The following DENND1B variants were observed in gnomAD, a reference collection of about 807,000 sequenced individuals.
DENND1B encodes the protein DENN domain-containing protein 1B.
DENND1B carries 59 observed loss-of-function variants against 90.1 expected under a neutral mutation model. The ratio of observed to expected loss-of-function variants is 0.65; its 90% CI spans 0.53 to 0.81. DENND1B has a LOEUF of 0.81. Ranked by LOEUF, DENND1B falls within the 40% of genes least tolerant of loss-of-function variation. The pLI is 0.00. For synonymous variants in DENND1B, 337 were observed against 324.6 expected (o/e 1.04, Z -0.41); for missense variants, 862 against 912.6 (o/e 0.94, Z 0.71).
chr1:197,526,213 T>C (rs1669122049), intron 20 of DENND1B, among the ~76,000 whole-genome samples: 1 of 152,088 alleles, frequency 6.6e-6, no homozygotes, highest in Admixed American at 6.5e-5. Flanking sequence ...GCAGCAGCAG[T>C]AGCCCTACAA....
intron 3 of DENND1B, 128 bp downstream of exon 3, chr1:197,714,903 T>C (rs527785297): frequency 5.6e-6 from 4 of 720,062 alleles, no homozygotes; most frequent in Admixed American, 5.0e-5. Context: ...TGTCTCACAG[T>C]TGATCAAGAG....
intron 2 of DENND1B, among the ~76,000 whole-genome samples, chr1:197,718,117 GCTTT>G (rs923301178): frequency 3.9e-5 from 6 of 152,002 alleles, no homozygotes; most frequent in Non-Finnish European, 8.8e-5. Context: ...TGAGGTTACA[GCTTT>G]CTTTATTGAG....
At chr1:197,529,137 AT>A (rs1669369772) in intron 20 of DENND1B, among the ~76,000 whole-genome samples, 1 of 149,764 alleles carries the variant, frequency 6.7e-6, no homozygotes, top group South Asian at 2.1e-4. Context: ...CTGTTTTTAC[AT>A]AATTAACTGG....
Position 197,540,947 on chromosome 1 carries a change from A to C in DENND1B, c.1407+12T>G, listed in dbSNP as rs749828970. 9 of 1,605,320 alleles carry C rather than the reference A, an allele frequency of 5.6e-6. No individual in the cohort carries two copies. In the Admixed American group the frequency reaches 8.5e-5, roughly 15 times the overall value. On this transcript the variant is annotated intron_variant, in intron 19 of 22. Transcript: ENST00000620048. ...AATCAAGGTAAAATGGAAAAAAATG[A>C]ATATGACATACCTTGTGTTTTAGTT...
intron 3 of DENND1B, among the ~76,000 whole-genome samples, chr1:197,714,252 C>T (rs1213080260): frequency 2.0e-5 from 3 of 151,526 alleles, no homozygotes; most frequent in African/African-American, 7.3e-5. Flanking sequence ...GGATTACAGG[C>T]GTGAGCCACT....
At chr1:197,696,664 A>T (rs1658461913) in intron 3 of DENND1B, among the ~76,000 whole-genome samples, 1 of 151,588 alleles carries the variant, frequency 6.6e-6, no homozygotes, top group Admixed American at 6.6e-5. Flanking sequence ...TCTTAAATCC[A>T]TCCTTCTTAA....
intron 10 of DENND1B, among the ~76,000 whole-genome samples, chr1:197,628,369 C>T (rs1238713582): frequency 4.6e-5 from 7 of 152,086 alleles, no homozygotes; most frequent in African/African-American, 1.7e-4. Flanking sequence ...AGAAATAACG[C>T]CGCATAACTA....
chr1:197,612,307 T>C (rs1486819197), intron 11 of DENND1B, among the ~76,000 whole-genome samples: 1 of 150,712 alleles, frequency 6.6e-6, no homozygotes, highest in Non-Finnish European at 1.5e-5. Context: ...ATTGAATCTT[T>C]TCCGTATACC....
At chr1:197,565,486 C>A (rs545489832) in intron 15 of DENND1B, among the ~76,000 whole-genome samples, 71 of 148,520 alleles carry the variant, frequency 4.8e-4, no homozygotes, top group African/African-American at 8.1e-4. Context: ...TTTTTTTTTT[C>A]TTTTATTTTA....
At chr1:197,668,126 C>A (rs925312272) in intron 5 of DENND1B, among the ~76,000 whole-genome samples, 2 of 152,060 alleles carry the variant, frequency 1.3e-5, no homozygotes, top group East Asian at 3.8e-4. Flanking sequence ...AATATAACAA[C>A]ATACTATAAA....
intron 2 of DENND1B, among the ~76,000 whole-genome samples, chr1:197,745,796 T>C (rs1663684542): frequency 6.6e-6 from 1 of 151,812 alleles, no homozygotes; most frequent in Non-Finnish European, 1.5e-5. Flanking sequence ...AGGAAGACAT[T>C]TTTAGGCATT....
intron 3 of DENND1B, among the ~76,000 whole-genome samples, chr1:197,678,021 A>G (rs972791894): frequency 6.6e-6 from 1 of 151,932 alleles, no homozygotes; most frequent in African/African-American, 2.4e-5. Context: ...CAGTGAGGAA[A>G]CCTCTCCCAG....
chr1:197,703,569 G>A (rs1232556264), intron 3 of DENND1B, among the ~76,000 whole-genome samples: 4 of 152,130 alleles, frequency 2.6e-5, no homozygotes, highest in Non-Finnish European at 5.9e-5. Context: ...GCAGACCTCT[G>A]AGATGTCTTA....
intron 13 of DENND1B, chr1:197,605,799 T>A (rs1288575122): frequency 2.0e-5 from 3 of 151,226 alleles, no homozygotes; most frequent in Non-Finnish European, 4.4e-5. Context: ...TAGTTGAATT[T>A]TAATATGTCT....
At chr1:197,552,247 C>T in intron 16 of DENND1B, 4 of 984,122 alleles carry the variant, frequency 4.1e-6, no homozygotes, top group East Asian at 1.1e-4. Flanking sequence ...AATTAACACA[C>T]TAAGATACAG....
At chr1:197,755,978 A>G (rs146527297) in intron 2 of DENND1B, among the ~76,000 whole-genome samples, 3 of 152,252 alleles carry the variant, frequency 2.0e-5, no homozygotes, top group Non-Finnish European at 4.4e-5. Flanking sequence ...GAGCCAACCC[A>G]TATCAGTAGT....
intron 2 of DENND1B, among the ~76,000 whole-genome samples, chr1:197,743,074 C>A (rs1179956993): frequency 6.6e-6 from 1 of 152,184 alleles, no homozygotes; most frequent in African/African-American, 2.4e-5. Context: ...TCCAGACTAT[C>A]TTTTCCAGGA....
intron 20 of DENND1B, 57 bp from the exon 21 acceptor site, chr1:197,513,010 G>C (rs1197807302): frequency 2.1e-6 from 3 of 1,443,282 alleles, no homozygotes; most frequent in Non-Finnish European, 2.8e-6. Flanking sequence ...AGTCTCTTTA[G>C]CAAATTTTAA....
intron 10 of DENND1B, among the ~76,000 whole-genome samples, chr1:197,628,171 A>G (rs1572118511): frequency 6.6e-6 from 1 of 152,278 alleles, no homozygotes; most frequent in East Asian, 1.9e-4. Context: ...ATTGGAAAAA[A>G]CTACTTTAAA....
Sources: allele counts gnomAD v4.1 joint callset (sites outside exome capture counted in the v4.1 genomes callset), GRCh38; gene constraint gnomAD v4.1.1; transcripts MANE v1.5; gene names NCBI Gene and HGNC (gene_info 2026-07-23, HGNC 2026-07-21).